KIF15: variants seen among roughly 807,000 people sequenced by gnomAD.
KIF15 encodes kinesin family member 15.
In KIF15, 140 loss-of-function variants were observed where a neutral mutation model predicts 190.6. The ratio of observed to expected loss-of-function variants is 0.73; its 90% confidence interval spans 0.64 to 0.84. The LOEUF (loss-of-function observed/expected upper bound fraction) is 0.84. KIF15 is among the 40% of genes least tolerant of loss of function. KIF15 has a pLI of 0.00. For missense variants in KIF15, 1,372 were observed against 1,584.4 expected, an observed-to-expected ratio of 0.87 and a Z score of 2.28; for synonymous variants, 528 against 551.3, an observed-to-expected ratio of 0.96 and a Z score of 0.59.
At chr3:44,790,075 C>T (rs1706610551) in intron 7 of KIF15, among the ~76,000 whole-genome samples, 2 of 152,182 alleles carry the variant, frequency 1.3e-5, no homozygotes, top group African/African-American at 4.8e-5. Flanking sequence ...CTTCCTACCA[C>T]CATACAGTTC....
At chr3:44,852,581 GA>G (rs1699099612) in intron 34 of KIF15, 91 bp from the exon 35 acceptor site, 1 of 958,418 alleles carries the variant, frequency 1.0e-6, no homozygotes, top group Non-Finnish European at 1.5e-6. Context: ...GTCTTAATTT[GA>G]AATATACACC....
rs765101175 is a variant in KIF15, at chr3:44,774,353, A to G, written c.20-42A>G. 3 of 1,565,388 alleles carry G rather than the reference A, an allele frequency of 1.9e-6. No individual in the cohort carries two copies. The East Asian group carries it at 6.7e-5, about 35-fold the overall frequency. ...TGTTAGAGAAGAATAGGATTTCCAT[A>G]TTACAATTTAAATGACCTTTAATAA... On this transcript the variant is annotated intron_variant, in intron 1 of 34. Transcript: ENST00000326047.
rs771699623 is a variant in KIF15, at chr3:44,786,579, C to G, written c.639+5C>G. 6.2e-6 allele frequency: 10 copies of G among 1,604,088 alleles called. No individual in the cohort carries two copies. The East Asian group carries it at 2.0e-4, about 32-fold the overall frequency. ...TCAGCTGCTGAAGCCTATCAGGTACCCTGCCATGAGTACTTAATTGGTGCT... is the reference window on the plus strand; with the variant it reads ...TCAGCTGCTGAAGCCTATCAGGTACGCTGCCATGAGTACTTAATTGGTGCT... On this transcript the variant is annotated splice_donor_5th_base_variant and intron_variant, in intron 7 of 34. Transcript: ENST00000326047.
In KIF15 at chr3:44,805,934, G is replaced by A; in HGVS notation, c.1919G>A (p.Cys640Tyr). 3.1e-6 allele frequency: 5 copies of A among 1,614,146 alleles called. No individual in the cohort carries two copies. In the South Asian group the frequency reaches 3.3e-5, roughly 11 times the overall value. ...LENLLEATKA[C>Y]KRQEVSQLNK... is the part of the protein sequence containing the mutation. ...AACCTTTTGGAAGCAACAAAAGCCT[G>A]CAAGCGGCAAGAAGTTTCTCAGCTG... Residue 640 changes from cysteine to tyrosine, a missense_variant, in exon 16 of 35, where the codon TGC (cysteine) becomes TAC (tyrosine). Transcript: ENST00000326047.
chr3:44,792,173 A>G (rs1388644380), intron 7 of KIF15, among the ~76,000 whole-genome samples: 1 of 152,140 alleles, frequency 6.6e-6, no homozygotes, highest in Non-Finnish European at 1.5e-5. Context: ...GTACTATCCA[A>G]GAAACATAAC....
At chr3:44,838,159 G>T (rs940429680) in intron 26 of KIF15, 116 bp from the exon 27 acceptor site, 11 of 1,058,266 alleles carry the variant, frequency 1.0e-5, no homozygotes, top group Non-Finnish European at 1.5e-5. Flanking sequence ...ACAAGCAAAA[G>T]AAATAGGTTT....
At chr3:44,789,140 C>A (rs1379288114) in intron 7 of KIF15, among the ~76,000 whole-genome samples, 4 of 152,040 alleles carry the variant, frequency 2.6e-5, no homozygotes, top group Non-Finnish European at 2.9e-5. Context: ...TCATGCTGTT[C>A]TTTTTCCAAC....
At chr3:44,858,660 A>AC (rs1191398872) in intron 6 of KIF15, among the ~76,000 whole-genome samples, 2 of 152,166 alleles carry the variant, frequency 1.3e-5, no homozygotes, top group African/African-American at 4.8e-5. Context: ...TAATAAGGGA[A>AC]CTGGGCAAGT....
At chr3:44,861,687 C>G (rs1699248641) in intron 6 of KIF15, among the ~76,000 whole-genome samples, 2 of 152,264 alleles carry the variant, frequency 1.3e-5, no homozygotes. Context: ...GGCCTCAGGC[C>G]TCGGGTCCCG....
At chr3:44,835,322 C>T (rs1698258952) in intron 26 of KIF15, among the ~76,000 whole-genome samples, 1 of 152,108 alleles carries the variant, frequency 6.6e-6, no homozygotes, top group Non-Finnish European at 1.5e-5. Flanking sequence ...TCACTGCAGC[C>T]TTGAACTCCT....
chr3:44,829,758 GTA>G (rs1448965492), intron 24 of KIF15, among the ~76,000 whole-genome samples: 5 of 136,738 alleles, frequency 3.7e-5, no homozygotes, highest in East Asian at 4.1e-4. Flanking sequence ...TATTATAGAT[GTA>G]TATATATTAT....
In KIF15 at chr3:44,794,553, A is replaced by G. The variant is rs893660905; in HGVS notation, c.849+127A>G. 5.3e-5 allele frequency: 35 copies of G among 662,236 alleles called. 1 individual carries two copies. Among genetic ancestry groups the G allele is most frequent in the Non-Finnish European group, 8.1e-5 (32 of 393,174 alleles). 41.0% of individuals were successfully genotyped at this position (662,236 alleles called of 1,614,324 possible). On this transcript the variant is annotated intron_variant, in intron 8 of 34. Transcript: ENST00000326047. ...TATGATGGGGGTCCCTTAAGAGTAT[A>G]ATAGCTATACCACATGGCTTAGGTA...
At chr3:44,854,048 A>G (rs986404041), downstream of KIF15, among the ~76,000 whole-genome samples, 4 of 152,188 alleles carry the variant, frequency 2.6e-5, no homozygotes, top group East Asian at 1.9e-4. Flanking sequence ...ATGTTTTAAA[A>G]TTGCTTTGTG....
chr3:44,770,403 C>T (rs1327228898), intron 1 of KIF15, among the ~76,000 whole-genome samples: 2 of 152,080 alleles, frequency 1.3e-5, no homozygotes, highest in Non-Finnish European at 2.9e-5. Flanking sequence ...GGGTTTTTAC[C>T]CTCAAATACC....
At chr3:44,856,979 T>A (rs994779832), downstream of KIF15, among the ~76,000 whole-genome samples, 18 of 152,166 alleles carry the variant, frequency 1.2e-4, no homozygotes, top group Admixed American at 1.2e-3. Context: ...GTAGCCTCAA[T>A]GATAGATGTG....
At chr3:44,861,496 G>C (rs1037091293) in intron 6 of KIF15, among the ~76,000 whole-genome samples, 6 of 152,198 alleles carry the variant, frequency 3.9e-5, no homozygotes, top group Non-Finnish European at 7.4e-5. Flanking sequence ...CTCTTGGTCC[G>C]GCGGTCCTCA....
chr3:44,835,733 G>A (rs1426898786), intron 26 of KIF15, among the ~76,000 whole-genome samples: 1 of 152,186 alleles, frequency 6.6e-6, no homozygotes, highest in African/African-American at 2.4e-5. Flanking sequence ...AGAGAGCAGT[G>A]AATATGAAGG....
chr3:44,856,220 A>T (rs954706131), downstream of KIF15, among the ~76,000 whole-genome samples: 3 of 152,142 alleles, frequency 2.0e-5, no homozygotes, highest in African/African-American at 7.2e-5. Context: ...CCAGACCAAG[A>T]GGTATTTTAG....
chr3:44,800,070 G>C (rs1373674977), intron 10 of KIF15, among the ~76,000 whole-genome samples: 1 of 152,146 alleles, frequency 6.6e-6, no homozygotes, highest in South Asian at 2.1e-4. Flanking sequence ...CTCAGGGCTA[G>C]TCAGCTGGGG....
Sources: gnomAD v4.1 joint callset for allele counts (sites outside exome capture counted in the v4.1 genomes callset) on GRCh38, gnomAD v4.1.1 for gene constraint, MANE v1.5 for transcripts, NCBI Gene and HGNC (gene_info 2026-07-23, HGNC 2026-07-21) for gene names.